Variants in CPNE4 observed in about 807,000 individuals in gnomAD.
CPNE4 encodes the protein copine-4.
A neutral mutation model predicts 67.9 loss-of-function variants in CPNE4; 25 were observed. The observed-to-expected ratio is 0.37, with a 90% CI of 0.27 to 0.51. The LOEUF (loss-of-function observed/expected upper bound fraction) is 0.51. CPNE4 is among the 20% of genes least tolerant of loss of function. The pLI is 0.93. For synonymous variants in CPNE4, 242 were observed against 244.9 expected (o/e 0.99, Z 0.11); for missense variants, 464 against 690.8 (o/e 0.67, Z 3.68).
intron 1 of CPNE4, among the ~76,000 whole-genome samples, chr3:131,916,979 C>T (rs186125400): frequency 6.6e-6 from 1 of 152,232 alleles, no homozygotes; most frequent in African/African-American, 2.4e-5. Context: ...AAAGACTTAA[C>T]AGGCTCAAGT....
intron 3 of CPNE4, among the ~76,000 whole-genome samples, chr3:131,723,163 T>C (rs886830896): frequency 2.0e-4 from 30 of 152,106 alleles, no homozygotes; most frequent in Non-Finnish European, 4.1e-4. Flanking sequence ...GCCAGACACA[T>C]AAGTGCTCAA....
intron 2 of CPNE4, among the ~76,000 whole-genome samples, chr3:131,805,898 G>A (rs1279361226): frequency 6.6e-6 from 1 of 152,192 alleles, no homozygotes; most frequent in Non-Finnish European, 1.5e-5. Context: ...AATGTGGAAA[G>A]GTCACATTTT....
chr3:131,832,073 G>T (rs979550309), intron 2 of CPNE4, among the ~76,000 whole-genome samples: 4 of 152,024 alleles, frequency 2.6e-5, no homozygotes, highest in Non-Finnish European at 5.9e-5. Context: ...TCATTGTCAG[G>T]GGTTCAAAGT....
intron 5 of CPNE4, among the ~76,000 whole-genome samples, chr3:131,696,105 G>A (rs922238083): frequency 6.6e-6 from 1 of 150,472 alleles, no homozygotes. Context: ...ATGCATAAGT[G>A]GGCTGACTAT....
At chr3:131,594,776 T>C (rs1388425330) in intron 7 of CPNE4, among the ~76,000 whole-genome samples, 1 of 152,206 alleles carries the variant, frequency 6.6e-6, no homozygotes, top group Non-Finnish European at 1.5e-5. Flanking sequence ...TGGAATGGCA[T>C]AAAATATTTC....
intron 13 of CPNE4, among the ~76,000 whole-genome samples, chr3:131,551,973 G>T (rs1035310199): frequency 1.3e-5 from 2 of 151,244 alleles, no homozygotes; most frequent in Non-Finnish European, 2.9e-5. Context: ...GTTCAAACTC[G>T]CTGAGGCCAT....
At chr3:131,688,596 T>C (rs945171706) in intron 5 of CPNE4, among the ~76,000 whole-genome samples, 2 of 152,324 alleles carry the variant, frequency 1.3e-5, no homozygotes, top group South Asian at 2.1e-4. Flanking sequence ...CCTCTTTAAA[T>C]AGATTGTTGG....
At chr3:131,734,904 C>CA (rs946979786) in intron 2 of CPNE4, among the ~76,000 whole-genome samples, 3 of 151,802 alleles carry the variant, frequency 2.0e-5, no homozygotes, top group African/African-American at 7.3e-5. Context: ...CCCTGCCCCC[C>CA]AAAAAAAGAC....
chr3:131,775,453 AAT>A lies in CPNE4; in HGVS notation c.181-51830_181-51829del, dbSNP rs2083269612. On this transcript the variant is annotated intron_variant, in intron 2 of 15. Transcript: ENST00000429747. ...TATGGTTTGGCTGTGTCCCCACCCA[AAT>A]CTCATCTTGAATTGTAGCTCCCACA... Among the ~76,000 whole-genome samples, 4 of 152,164 alleles carry A rather than the reference AAT, an allele frequency of 2.6e-5. No individual in the cohort carries two copies. In the South Asian group the frequency reaches 8.3e-4, roughly 32 times the overall value.
intron 2 of CPNE4, among the ~76,000 whole-genome samples, chr3:131,761,434 A>G (rs1475314321): frequency 1.3e-5 from 2 of 152,022 alleles, no homozygotes; most frequent in Non-Finnish European, 2.9e-5. Context: ...AACACTTGAG[A>G]AAAATGGAAT....
intron 7 of CPNE4, among the ~76,000 whole-genome samples, chr3:131,632,937 G>A (rs953944424): frequency 5.9e-5 from 9 of 152,132 alleles, no homozygotes; most frequent in African/African-American, 1.7e-4. Flanking sequence ...CACTGACCTA[G>A]ATGATCCCGT....
chr3:131,977,161 C>A (rs563357521), intron 1 of CPNE4, among the ~76,000 whole-genome samples: 1 of 152,074 alleles, frequency 6.6e-6, no homozygotes, highest in Non-Finnish European at 1.5e-5. Flanking sequence ...TCCTAAGAGT[C>A]TTTGTAAAGA....
chr3:131,876,034 C>G (rs1471830526), intron 2 of CPNE4, among the ~76,000 whole-genome samples: 1 of 151,950 alleles, frequency 6.6e-6, no homozygotes, highest in Non-Finnish European at 1.5e-5. Context: ...AAAGAAGTTC[C>G]CATATTTACC....
rs149371013 is a variant in CPNE4 at position 131,992,736 on chromosome 3, A to C, written c.-2+41831T>G. Among the ~76,000 whole-genome samples, 20 of 136,112 alleles carry C rather than the reference A, an allele frequency of 1.5e-4. 3 individuals are homozygous for C. The highest frequency in any genetic ancestry group is 2.8e-4 in the Non-Finnish European group (17 of 59,850). The allele number at this position is 136,112 out of a possible 152,430, so 89.3% of individuals were successfully genotyped here. A position where few individuals can be genotyped will look rare whatever the true frequency, so the allele number is the denominator to read the frequency against. On this transcript the variant is annotated intron_variant, in intron 1 of 15. Transcript: ENST00000429747. ...TCTCATCTTAAATTGTAGTTCCCAT[A>C]ATCCCCATGTGTTGTCAGAGGGACC...
intron 2 of CPNE4, among the ~76,000 whole-genome samples, chr3:131,812,006 G>A (rs1186238337): frequency 1.3e-5 from 2 of 152,032 alleles, no homozygotes; most frequent in Non-Finnish European, 1.5e-5. Context: ...AGGAGAGTGC[G>A]CCGTCCATGA....
intron 7 of CPNE4, among the ~76,000 whole-genome samples, chr3:131,668,855 C>T (rs1407803614): frequency 2.0e-5 from 3 of 152,132 alleles, no homozygotes; most frequent in African/African-American, 7.2e-5. Flanking sequence ...CTTTTACATT[C>T]CCAAGGTGCT....
chr3:131,573,474 C>T (rs1937435690), intron 10 of CPNE4, among the ~76,000 whole-genome samples: 1 of 152,034 alleles, frequency 6.6e-6, no homozygotes, highest in Admixed American at 6.6e-5. Context: ...GGGTTCAGCA[C>T]CTAATTTTTG....
At chr3:131,893,067 AG>A (rs763602165) in intron 2 of CPNE4, among the ~76,000 whole-genome samples, 100 of 152,178 alleles carry the variant, frequency 6.6e-4, no homozygotes, top group Non-Finnish European at 1.3e-3. Context: ...AACAAGACCC[AG>A]CTACATGCTG....
chr3:131,792,981 T>C (rs2083819226), intron 2 of CPNE4, among the ~76,000 whole-genome samples: 1 of 151,134 alleles, frequency 6.6e-6, no homozygotes, highest in African/African-American at 2.4e-5. Flanking sequence ...CCTTCTCCCA[T>C]GTGCACCCAT....
Sources: allele counts gnomAD v4.1 joint callset (sites outside exome capture counted in the v4.1 genomes callset), GRCh38; gene constraint gnomAD v4.1.1; transcripts MANE v1.5; gene names NCBI Gene and HGNC (gene_info 2026-07-23, HGNC 2026-07-21).